Variants in PDE10A observed in about 807,000 individuals in gnomAD.
PDE10A encodes the protein phosphodiesterase 10A, also known as cAMP and cAMP-inhibited cGMP 3',5'-cyclic phosphodiesterase 10A.
PDE10A carries 39 observed loss-of-function variants against 97.7 expected under a neutral mutation model. The ratio of observed to expected loss-of-function variants is 0.40; its 90% CI spans 0.31 to 0.52. PDE10A has a LOEUF of 0.52. Ranked by LOEUF, PDE10A falls within the 20% of genes least tolerant of loss-of-function variation. The pLI, the probability that PDE10A is intolerant of heterozygous loss-of-function variation, is 0.56. For missense variants in PDE10A, 731 were observed against 1,047.8 expected (o/e 0.70, Z 4.17); for synonymous variants, 371 against 376.8 (o/e 0.98, Z 0.18).
intron 1 of PDE10A, among the ~76,000 whole-genome samples, chr6:165,549,325 C>CTGTTTT (rs978479041): frequency 6.6e-6 from 1 of 151,944 alleles, no homozygotes; most frequent in African/African-American, 2.4e-5. Flanking sequence ...ACGGTTTTTT[C>CTGTTTT]TGTTTTTGTT....
At chr6:165,572,256 C>T (rs1785084342) in intron 1 of PDE10A, among the ~76,000 whole-genome samples, 1 of 152,212 alleles carries the variant, frequency 6.6e-6, no homozygotes, top group African/African-American at 2.4e-5. Context: ...TCGAAGACGA[C>T]TACCAAGGTA....
intron 5 of PDE10A, among the ~76,000 whole-genome samples, chr6:165,442,012 A>T (rs1174913756): frequency 6.6e-6 from 1 of 152,028 alleles, no homozygotes; most frequent in Non-Finnish European, 1.5e-5. Flanking sequence ...TATATCTATT[A>T]TTTGTTTTTA....
chr6:165,698,856 AC>A (rs1205255194), intron 1 of PDE10A, among the ~76,000 whole-genome samples: 1 of 152,214 alleles, frequency 6.6e-6, no homozygotes, highest in African/African-American at 2.4e-5. Flanking sequence ...ATCCAACCAA[AC>A]AAAAAAACAA....
intron 1 of PDE10A, among the ~76,000 whole-genome samples, chr6:165,833,394 C>A (rs577692393): frequency 6.6e-6 from 1 of 152,056 alleles, no homozygotes; most frequent in Non-Finnish European, 1.5e-5. Flanking sequence ...TAATCTCATA[C>A]CCTGGGTGGG....
intron 1 of PDE10A, among the ~76,000 whole-genome samples, chr6:165,969,846 A>G (rs543470107): frequency 6.6e-6 from 1 of 152,342 alleles, no homozygotes; most frequent in Non-Finnish European, 1.5e-5. Flanking sequence ...ATAAGTCCAT[A>G]CTCATGTAAA....
At chr6:165,657,425 T>C (rs546551879) in intron 1 of PDE10A, among the ~76,000 whole-genome samples, 17 of 152,386 alleles carry the variant, frequency 1.1e-4, no homozygotes, top group Admixed American at 3.9e-4. Context: ...AGGGAAAATA[T>C]TCGTTTTACA....
At chr6:165,691,193 CTCTCTCTCCCCACACA>C (rs1791282115) in intron 1 of PDE10A, among the ~76,000 whole-genome samples, 65 of 65,432 alleles carry the variant, frequency 9.9e-4, no homozygotes, top group Admixed American at 3.4e-3. Context: ...CTCTCCCTCT[CTCTCTCTCCCCACACA>C]CACACACACA....
At chr6:165,901,422 G>T (rs1304905986) in intron 1 of PDE10A, among the ~76,000 whole-genome samples, 1 of 152,166 alleles carries the variant, frequency 6.6e-6, no homozygotes, top group Middle Eastern at 3.2e-3. Context: ...AGAGAACAAA[G>T]CCCAGGTCCT....
At chr6:165,674,491 CG>C (rs920179136) in intron 1 of PDE10A, among the ~76,000 whole-genome samples, 24 of 152,170 alleles carry the variant, frequency 1.6e-4, no homozygotes, top group Non-Finnish European at 3.4e-4. Flanking sequence ...TTCAGATTGA[CG>C]TGCGTGCGTG....
intron 1 of PDE10A, among the ~76,000 whole-genome samples, chr6:165,715,588 A>G (rs1316795051): frequency 3.9e-5 from 6 of 152,166 alleles, no homozygotes; most frequent in African/African-American, 1.4e-4. Context: ...GAAGGGAGAC[A>G]CGCACCCATG....
At chr6:165,559,662 A>C (rs1248070665) in intron 1 of PDE10A, among the ~76,000 whole-genome samples, 1 of 152,182 alleles carries the variant, frequency 6.6e-6, no homozygotes, top group Non-Finnish European at 1.5e-5. Flanking sequence ...ACAGTCCCTA[A>C]TATGGTTTGG....
chr6:165,485,574 G>A (rs1351879085), intron 2 of PDE10A, among the ~76,000 whole-genome samples: 3 of 149,796 alleles, frequency 2.0e-5, no homozygotes, highest in East Asian at 3.9e-4. Context: ...TTCATCAAAT[G>A]TGTCTACACT....
chr6:165,472,820 AAG>A (rs535580803), intron 3 of PDE10A, among the ~76,000 whole-genome samples: 2 of 152,154 alleles, frequency 1.3e-5, no homozygotes, highest in Non-Finnish European at 2.9e-5. Context: ...AAAACATTAA[AAG>A]AGTGTCATAC....
intron 2 of PDE10A, among the ~76,000 whole-genome samples, chr6:165,495,079 A>C (rs1328108816): frequency 6.6e-6 from 1 of 152,186 alleles, no homozygotes; most frequent in African/African-American, 2.4e-5. Flanking sequence ...CATCTCTAAC[A>C]ATTATGCAAT....
At chr6:165,601,576 C>T (rs566783067) in intron 1 of PDE10A, among the ~76,000 whole-genome samples, 2 of 152,264 alleles carry the variant, frequency 1.3e-5, no homozygotes, top group South Asian at 4.1e-4. Context: ...ATTCCTTTCA[C>T]AAGAGTAATT....
intron 1 of PDE10A, among the ~76,000 whole-genome samples, chr6:165,670,682 C>A (rs1790623567): frequency 6.6e-6 from 1 of 152,176 alleles, no homozygotes; most frequent in East Asian, 1.9e-4. Context: ...ATGCCTTTTT[C>A]TTGTTTCTGG....
chr6:165,987,909 G>A (rs1233912069), exon 1 of PDE10A: 1 of 372,720 alleles, frequency 2.7e-6, no homozygotes, highest in East Asian at 7.3e-5. Context: ...CTCAGCTCAA[G>A]CTCCCAGCAG....
intron 1 of PDE10A, among the ~76,000 whole-genome samples, chr6:165,917,121 G>A (rs1473047851): frequency 2.6e-5 from 4 of 152,196 alleles, no homozygotes. Context: ...GGTGGCAACA[G>A]GGAGCAGTGG....
At chr6:165,540,881 C>A (rs9459447) in intron 2 of PDE10A, among the ~76,000 whole-genome samples, 31,346 of 152,040 alleles carry the variant, frequency 0.21, 3,337 homozygotes, top group Admixed American at 0.22. Flanking sequence ...CTTCCCACCT[C>A]GGCCTCCCAA....
Sources: gnomAD v4.1 joint callset for allele counts (sites outside exome capture counted in the v4.1 genomes callset) on GRCh38, gnomAD v4.1.1 for gene constraint, MANE v1.5 for transcripts, NCBI Gene and HGNC (gene_info 2026-07-23, HGNC 2026-07-21) for gene names.